FAM53A: variants seen among roughly 807,000 people sequenced by gnomAD.
FAM53A encodes family with sequence similarity 53 member A, also known as protein FAM53A.
Under a neutral mutation model 26.6 loss-of-function variants are expected in FAM53A, and 28 were observed. The observed-to-expected ratio is 1.05, with a 90% CI of 0.78 to 1.45. The LOEUF (loss-of-function observed/expected upper bound fraction) is 1.45, where lower values mean the gene tolerates loss of function less well. Among genes scored for constraint, FAM53A ranks in the 40% most tolerant of loss-of-function variants. The pLI is 0.00. For missense variants in FAM53A, 650 were observed against 575.8 expected (o/e 1.13, Z -1.32); for synonymous variants, 290 against 253.1 (o/e 1.15, Z -1.38).
intron 1 of FAM53A, among the ~76,000 whole-genome samples, chr4:1,622,008 GC>G (rs1715059913): frequency 6.6e-6 from 1 of 152,172 alleles, no homozygotes; most frequent in African/African-American, 2.4e-5. Context: ...ATATTAAAGG[GC>G]AGGTTCCGAC....
chr4:1,585,487 T>C, the FAM53A span, among the ~76,000 whole-genome samples: 3 of 151,914 alleles, frequency 2.0e-5, no homozygotes, highest in Non-Finnish European at 4.4e-5. Flanking sequence ...TTTCACCACA[T>C]TGGCCAGGCT....
chr4:1,671,978 C>A lies in FAM53A; in HGVS notation c.-164-3073G>T, dbSNP rs948676076. Among the ~76,000 whole-genome samples, 11 of 150,438 alleles carry A rather than the reference C, an allele frequency of 7.3e-5. No individual in the cohort carries two copies. The East Asian group carries it at 2.1e-3, about 29-fold the overall frequency. ...ACAGGAAGTGAGGATGGCTCCCCAG[C>A]AGCCTGCCTGTGACACAGAGCAAAG... is the stretch of plus-strand genomic sequence containing the variant. On this transcript the variant is annotated intron_variant, in intron 1 of 4. Transcript: ENST00000308132.
chr4:1,600,144 T>C, the FAM53A span, among the ~76,000 whole-genome samples: 5 of 152,156 alleles, frequency 3.3e-5, no homozygotes, highest in African/African-American at 1.2e-4. Context: ...GGGGGCTGCC[T>C]TGCCAGGGAT....
chr4:1,592,427 C>T, the FAM53A span, among the ~76,000 whole-genome samples: 2 of 152,232 alleles, frequency 1.3e-5, no homozygotes, highest in African/African-American at 4.8e-5. Flanking sequence ...AGGGGCAGGG[C>T]CCAAGCCCAG....
At chr4:1,582,138 A>G in the FAM53A span, among the ~76,000 whole-genome samples, 2 of 152,228 alleles carry the variant, frequency 1.3e-5, no homozygotes, top group Non-Finnish European at 2.9e-5. Flanking sequence ...CTTGTCAGCA[A>G]TCCAAGAAAT....
intron 1 of FAM53A, among the ~76,000 whole-genome samples, chr4:1,679,950 G>A (rs922800017): frequency 2.0e-5 from 3 of 151,238 alleles, no homozygotes; most frequent in Non-Finnish European, 2.9e-5. Flanking sequence ...TCGGGAGGAT[G>A]AGGCGGCAGT....
intron 1 of FAM53A, among the ~76,000 whole-genome samples, chr4:1,628,843 G>A: frequency 6.8e-6 from 1 of 146,612 alleles, no homozygotes; most frequent in Non-Finnish European, 1.5e-5. Context: ...AGGTTGGCAT[G>A]GGGGGAGGGC....
the FAM53A span, among the ~76,000 whole-genome samples, chr4:1,577,771 CGCGGCCATTTAATTCAATTA>C: frequency 2.0e-5 from 3 of 152,166 alleles, no homozygotes; most frequent in African/African-American, 7.2e-5. Context: ...TGCTCATTAC[CGCGGCCATTTAATTCAATTA>C]GCACCTTAAT....
chr4:1,647,430 C>T (rs1008579034), intron 4 of FAM53A, among the ~76,000 whole-genome samples: 1 of 152,118 alleles, frequency 6.6e-6, no homozygotes, highest in East Asian at 1.9e-4. Flanking sequence ...TGCCCCTGCA[C>T]CCTGCTCAGA....
At chr4:1,577,569 T>C in the FAM53A span, among the ~76,000 whole-genome samples, 2 of 152,198 alleles carry the variant, frequency 1.3e-5, no homozygotes, top group African/African-American at 4.8e-5. Flanking sequence ...CCGGCGTTTG[T>C]GTAGAATATC....
downstream of FAM53A, among the ~76,000 whole-genome samples, chr4:1,639,007 G>A (rs1173796414): frequency 6.6e-6 from 1 of 152,210 alleles, no homozygotes; most frequent in East Asian, 1.9e-4. Context: ...CCAGGCCTTG[G>A]TGGGGACCTC....
intron 4 of FAM53A, among the ~76,000 whole-genome samples, chr4:1,647,574 AAC>A (rs1381137871): frequency 3.2e-4 from 49 of 152,314 alleles, no homozygotes; most frequent in African/African-American, 1.1e-3. Flanking sequence ...CTGCAGGGTG[AAC>A]ACAGTTGCGC....
chr4:1,613,960 G>A (rs1025581356), downstream of FAM53A, among the ~76,000 whole-genome samples: 2 of 152,228 alleles, frequency 1.3e-5, no homozygotes, highest in East Asian at 1.9e-4. Context: ...AAACTGATAC[G>A]AAAACGTCAG....
At chr4:1,583,208 G>A in the FAM53A span, among the ~76,000 whole-genome samples, 8 of 151,868 alleles carry the variant, frequency 5.3e-5, no homozygotes, top group South Asian at 6.2e-4. Flanking sequence ...AGAGGCTGTC[G>A]AGAGTGCACT....
In FAM53A at chr4:1,655,206, C is replaced by T. The variant is rs1458449087; in HGVS notation, c.654G>A (p.Thr218=). Residue 218 remains threonine (T), a synonymous_variant, in exon 4 of 5, where the codon ACG becomes ACA. Coordinates refer to ENST00000308132, the MANE Select transcript of FAM53A (RefSeq NM_001174070.3). Reference sequence around the variant, plus strand: ...CCTGTGAGAGGGACGGGCGGCGCCTCGTGGAGGGCAAGCAGGACTCCGCGG... The same window carrying T: ...CCTGTGAGAGGGACGGGCGGCGCCTTGTGGAGGGCAAGCAGGACTCCGCGG... ...WCSAESCLPS[T]RRRPSLSQER... 5 of 1,555,962 alleles carry T rather than the reference C, an allele frequency of 3.2e-6. No homozygotes were observed. In the African/African-American group the frequency reaches 4.1e-5, roughly 13 times the overall value.
chr4:1,602,406 C>G, the FAM53A span, among the ~76,000 whole-genome samples: 1 of 152,174 alleles, frequency 6.6e-6, no homozygotes, highest in African/African-American at 2.4e-5. Flanking sequence ...GGGTCTCTGG[C>G]CCACACAAAG....
At chr4:1,615,022 G>A (rs146486493), downstream of FAM53A, among the ~76,000 whole-genome samples, 33 of 152,364 alleles carry the variant, frequency 2.2e-4, no homozygotes, top group African/African-American at 6.5e-4. Context: ...ATTTACAGAT[G>A]AGCAGAGACA....
intron 4 of FAM53A, among the ~76,000 whole-genome samples, chr4:1,648,198 G>C (rs759250157): frequency 1.1e-4 from 17 of 152,186 alleles, no homozygotes; most frequent in Non-Finnish European, 1.6e-4. Flanking sequence ...AACAGAGAGA[G>C]AGACCCTGTC....
At chr4:1,592,638 C>T in the FAM53A span, among the ~76,000 whole-genome samples, 1 of 152,184 alleles carries the variant, frequency 6.6e-6, no homozygotes, top group African/African-American at 2.4e-5. Context: ...AGCCCAGGGC[C>T]GTGACACTGG....
Sources: allele counts gnomAD v4.1 joint callset (sites outside exome capture counted in the v4.1 genomes callset), GRCh38; gene constraint gnomAD v4.1.1; transcripts MANE v1.5; gene names NCBI Gene and HGNC (gene_info 2026-07-23, HGNC 2026-07-21).